The following FMN2 variants were observed in gnomAD, a reference collection of about 807,000 sequenced individuals.
FMN2 encodes the protein formin-2.
FMN2 carries 51 observed loss-of-function variants against 142.3 expected under a neutral mutation model. The ratio of observed to expected loss-of-function variants is 0.36; its 90% CI spans 0.29 to 0.45. The LOEUF (loss-of-function observed/expected upper bound fraction) is 0.45. Among genes scored for constraint, FMN2 ranks in the 20% least tolerant of loss-of-function variants. FMN2 has a pLI of 1.00. For synonymous variants in FMN2, 882 were observed against 869.8 expected (o/e 1.01, Z -0.25); for missense variants, 1,936 against 2,122.8 (o/e 0.91, Z 1.73).
At chr1:240,305,773 G>T (rs1283512041) in intron 8 of FMN2, among the ~76,000 whole-genome samples, 2 of 151,454 alleles carry the variant, frequency 1.3e-5, no homozygotes, top group Non-Finnish European at 2.9e-5. Context: ...ATAATTACAT[G>T]TATATCCCTT....
chr1:240,327,225 G>A (rs918968402), intron 8 of FMN2, among the ~76,000 whole-genome samples: 5 of 152,180 alleles, frequency 3.3e-5, no homozygotes, highest in African/African-American at 7.2e-5. Context: ...TTCTTTTGAC[G>A]CATCACATTC....
intron 2 of FMN2, chr1:240,143,156 G>A: frequency 1.3e-6 from 2 of 1,577,172 alleles, no homozygotes; most frequent in South Asian, 2.2e-5. Context: ...GAGCTAACTG[G>A]CGCAACATTG....
intron 3 of FMN2, among the ~76,000 whole-genome samples, chr1:240,187,311 C>T (rs1034939710): frequency 6.7e-6 from 1 of 148,446 alleles, no homozygotes; most frequent in Non-Finnish European, 1.5e-5. Context: ...AAAACAAAAC[C>T]AAAAACAGTG....
intron 13 of FMN2, among the ~76,000 whole-genome samples, chr1:240,352,276 A>T (rs568512625): frequency 6.6e-6 from 1 of 152,218 alleles, no homozygotes; most frequent in South Asian, 2.1e-4. Flanking sequence ...TAGATAGTTG[A>T]TCGATATCTG....
At chr1:240,133,792 T>C (rs1662833558) in intron 2 of FMN2, among the ~76,000 whole-genome samples, 1 of 152,214 alleles carries the variant, frequency 6.6e-6, no homozygotes, top group Non-Finnish European at 1.5e-5. Flanking sequence ...CTGCATTTTC[T>C]CTCTCAAAGG....
intron 2 of FMN2, among the ~76,000 whole-genome samples, chr1:240,139,480 C>A (rs576338503): frequency 6.6e-5 from 10 of 151,856 alleles, no homozygotes; most frequent in Non-Finnish European, 1.3e-4. Context: ...CTGGAAAGTG[C>A]CAGTAGAATG....
At chr1:240,393,686 G>A (rs1673684123) in intron 15 of FMN2, among the ~76,000 whole-genome samples, 1 of 152,170 alleles carries the variant, frequency 6.6e-6, no homozygotes, top group Admixed American at 6.5e-5. Context: ...GTGCCAAACA[G>A]TTAGCCAAGT....
chr1:240,127,125 T>G (rs1662543922), intron 2 of FMN2, among the ~76,000 whole-genome samples: 1 of 151,506 alleles, frequency 6.6e-6, no homozygotes, highest in African/African-American at 2.4e-5. Context: ...ATATGGCTTT[T>G]TTTTTTTTTT....
intron 2 of FMN2, among the ~76,000 whole-genome samples, chr1:240,130,734 A>G (rs1039105020): frequency 6.6e-6 from 1 of 151,956 alleles, no homozygotes; most frequent in Non-Finnish European, 1.5e-5. Flanking sequence ...ACTGCCTCTT[A>G]TTTTCTTTTT....
intron 7 of FMN2, among the ~76,000 whole-genome samples, chr1:240,259,088 G>A (rs1324208839): frequency 1.3e-5 from 2 of 152,132 alleles, no homozygotes; most frequent in Non-Finnish European, 2.9e-5. Flanking sequence ...TGTTTTGATG[G>A]GGAGGAGACT....
At chr1:240,356,976 A>G (rs773169147) in intron 14 of FMN2, among the ~76,000 whole-genome samples, 3 of 152,256 alleles carry the variant, frequency 2.0e-5, no homozygotes, top group Non-Finnish European at 4.4e-5. Flanking sequence ...TTCATAACTT[A>G]GAGTGGAAAA....
In FMN2 at chr1:240,097,617, A is replaced by C. The variant is rs553303913; in HGVS notation, c.1615+3893A>C. On this transcript the variant is annotated intron_variant, in intron 1 of 17. Coordinates refer to ENST00000319653, the MANE Select transcript of FMN2 (RefSeq NM_020066.5). ...TGATCCGCCCGCCTCGGCCGCCCAA[A>C]GTGCTGGGATTACAGGCGTGAGCCA... Among the ~76,000 whole-genome samples, 23 of 152,134 alleles carry C rather than the reference A, an allele frequency of 1.5e-4. 1 individual carries two copies. Among genetic ancestry groups the C allele is most frequent in the African/African-American group, 5.5e-4 (23 of 41,516 alleles).
intron 7 of FMN2, among the ~76,000 whole-genome samples, chr1:240,264,864 C>A (rs951884216): frequency 4.6e-5 from 7 of 152,072 alleles, no homozygotes; most frequent in African/African-American, 1.7e-4. Flanking sequence ...GCTTCTTCCG[C>A]CTCCTTCCCT....
intron 2 of FMN2, among the ~76,000 whole-genome samples, chr1:240,162,124 C>T (rs1320967616): frequency 7.0e-6 from 1 of 142,042 alleles, no homozygotes; most frequent in Non-Finnish European, 1.5e-5. Flanking sequence ...AGAGCAAGAC[C>T]TTGTTTCAAA....
intron 15 of FMN2, among the ~76,000 whole-genome samples, chr1:240,419,744 G>A (rs540707444): frequency 2.7e-4 from 41 of 152,256 alleles, no homozygotes; most frequent in African/African-American, 9.6e-4. Flanking sequence ...CCATGTTTCA[G>A]GGTCCTTCCT....
intron 7 of FMN2, among the ~76,000 whole-genome samples, chr1:240,266,750 A>G (rs955394523): frequency 6.6e-6 from 1 of 151,956 alleles, no homozygotes; most frequent in African/African-American, 2.4e-5. Context: ...ACAAAAAGAC[A>G]CATAGACCTA....
chr1:240,271,830 T>A (rs1018147522), intron 7 of FMN2, among the ~76,000 whole-genome samples: 1 of 152,126 alleles, frequency 6.6e-6, no homozygotes, highest in Admixed American at 6.6e-5. Context: ...AAGAAATACC[T>A]CATATGTCTT....
chr1:240,468,206 A>ATATGTGTGTGTGTG lies in FMN2; in HGVS notation c.5061-4165_5061-4164insATGTGTGTGTGTGT, dbSNP rs374934885. On this transcript the variant is annotated intron_variant, in intron 16 of 17. Coordinates refer to ENST00000319653, the MANE Select transcript of FMN2 (RefSeq NM_020066.5). Reference sequence around the variant, plus strand: ...AATGCATCCACTAAAATATATATATATGTGTGTGTGTGTGTGTGTGTGTGT... The same window carrying ATATGTGTGTGTGTG: ...AATGCATCCACTAAAATATATATATATATGTGTGTGTGTGTGTGTGTGTGTGTGTGTGTGTGTGT... Among the ~76,000 whole-genome samples, 1,267 of 147,966 alleles carry ATATGTGTGTGTGTG rather than the reference A, an allele frequency of 8.6e-3. 16 individuals carry two copies. Among genetic ancestry groups the ATATGTGTGTGTGTG allele is most frequent in the African/African-American group, 0.026 (1,036 of 39,984 alleles).
chr1:240,407,275 T>C (rs1468709111), intron 15 of FMN2, among the ~76,000 whole-genome samples: 1 of 152,020 alleles, frequency 6.6e-6, no homozygotes, highest in African/African-American at 2.4e-5. Flanking sequence ...GTAGCTGCGA[T>C]TACAGGCGCG....
Sources: allele counts gnomAD v4.1 joint callset (sites outside exome capture counted in the v4.1 genomes callset), GRCh38; gene constraint gnomAD v4.1.1; transcripts MANE v1.5; gene names NCBI Gene and HGNC (gene_info 2026-07-23, HGNC 2026-07-21).